PRMT9: variants seen among roughly 807,000 people sequenced by gnomAD.
PRMT9 encodes the protein protein arginine N-methyltransferase 9.
In PRMT9, 59 loss-of-function variants were observed where a neutral mutation model predicts 83.2. The ratio of observed to expected loss-of-function variants is 0.71; its 90% CI spans 0.57 to 0.88. The LOEUF (loss-of-function observed/expected upper bound fraction) is 0.88. Ranked by LOEUF, PRMT9 falls within the 40% of genes least tolerant of loss-of-function variation. PRMT9 has a pLI of 0.00. For missense variants in PRMT9, 947 were observed against 1,021.9 expected (o/e 0.93, Z 1.00); for synonymous variants, 333 against 353.2 (o/e 0.94, Z 0.64).
intron 6 of PRMT9, among the ~76,000 whole-genome samples, chr4:147,665,816 T>C (rs1310526458): frequency 6.6e-6 from 1 of 152,216 alleles, no homozygotes; most frequent in African/African-American, 2.4e-5. Context: ...TAGGTGACTG[T>C]TACATCATAA....
At chr4:147,644,972 G>C (rs1191551933) in intron 9 of PRMT9, among the ~76,000 whole-genome samples, 1 of 152,132 alleles carries the variant, frequency 6.6e-6, no homozygotes, top group Non-Finnish European at 1.5e-5. Context: ...TGAATTTCTA[G>C]AACAGGATAC....
In PRMT9 at chr4:147,670,729, A is replaced by T; in HGVS notation, c.758T>A (p.Val253Glu). Residue 253 changes from valine (V) to glutamate (E), a missense_variant, in exon 5 of 12, where the codon GTA becomes GAA. Physicochemically the swap from Val to Glu is moderately radical, Grantham distance 121. Transcript: ENST00000322396. ...TAAACCTGCATCGACAGTTTCTGTT[A>T]CAACTAGGGACACTCTATAGAATGA... Reference protein sequence around the residue: ...KHIPERVSLVVTETVDAGLFG... With the variant: ...KHIPERVSLVETETVDAGLFG... 1 of 1,604,632 alleles carries T rather than the reference A, an allele frequency of 6.2e-7. No homozygotes were observed. The highest frequency in any genetic ancestry group is 8.5e-7 in the Non-Finnish European group (1 of 1,171,622).
At position 147,672,893 on chromosome 4, in the gene PRMT9, GAA is replaced by G; in HGVS notation, c.743+64_743+65del. On this transcript the variant is annotated intron_variant, in intron 4 of 11. Coordinates refer to ENST00000322396, the MANE Select transcript of PRMT9 (RefSeq NM_138364.4). ...AGCATTTTGTTTGGACTAAAAGCTA[GAA>G]ATATATCTTAGTTTTTTAAAAATAG... is the stretch of plus-strand genomic sequence containing the variant. The G allele has an allele frequency of 8.1e-6, 11 of 1,363,246 alleles. No homozygotes were observed. The South Asian group carries it at 1.2e-4, about 15-fold the overall frequency. The allele number at this position is 1,363,246 out of a possible 1,614,324, so 84.4% of individuals were successfully genotyped here. A position where few individuals can be genotyped will look rare whatever the true frequency, so the allele number is the denominator to read the frequency against.
chr4:147,651,744 T>C (rs1734112105), intron 9 of PRMT9, among the ~76,000 whole-genome samples: 1 of 152,204 alleles, frequency 6.6e-6, no homozygotes, highest in African/African-American at 2.4e-5. Flanking sequence ...TACTGTATGA[T>C]TTCACTTGTT....
intron 6 of PRMT9, among the ~76,000 whole-genome samples, chr4:147,661,682 T>G (rs1426038431): frequency 6.8e-6 from 1 of 147,446 alleles, no homozygotes; most frequent in Admixed American, 7.0e-5. Context: ...TCCAGCTACT[T>G]GGAAGGCTGA....
chr4:147,673,009 G>C lies in PRMT9; in HGVS notation c.693C>G (p.Leu231=). ...CTATGTCAAGTGACTTCGTATGTAA[G>C]AGTTTGATCCCTGCTTCCATCTTGT... The part of the protein sequence containing the change: ...AANKMEAGIK[L]LHTKSLDIEI... The change falls in exon 4 of 12, where the codon CTC becomes CTG. Residue 231 remains leucine, a synonymous_variant. Transcript: ENST00000322396. 1 of 1,613,968 alleles carries C rather than the reference G, an allele frequency of 6.2e-7. No individual in the cohort carries two copies. Among genetic ancestry groups the C allele is most frequent in the Non-Finnish European group, 8.5e-7 (1 of 1,179,906 alleles).
Position 147,661,899 on chromosome 4 carries a change from A to G in PRMT9, c.954-861T>C, listed in dbSNP as rs1346314114. ...TGGTAAGGATACAGTCTCATACACC[A>G]TTGGAGTATAAAATCAGTAAGATCA... is the stretch of plus-strand genomic sequence containing the variant. On this transcript the variant is annotated intron_variant, in intron 6 of 11. Transcript: ENST00000322396. Among the ~76,000 whole-genome samples, 6 of 152,032 alleles carry G rather than the reference A, an allele frequency of 3.9e-5. No individual in the cohort carries two copies. The East Asian group carries it at 1.2e-3, about 29-fold the overall frequency.
chr4:147,668,596 G>C lies in PRMT9; in HGVS notation c.896C>G (p.Ala299Gly), dbSNP rs780743868. 1 of 1,612,494 alleles carries C rather than the reference G, an allele frequency of 6.2e-7. No individual in the cohort carries two copies. The highest frequency in any genetic ancestry group is 1.1e-5 in the South Asian group (1 of 91,038). Residue 299 changes from alanine (A) to glycine (G), a missense_variant, in exon 6 of 12, where the codon GCA (alanine) becomes GGA (glycine). Physicochemically the swap from Ala to Gly is moderately conservative, Grantham distance 60. Coordinates refer to ENST00000322396, the MANE Select transcript of PRMT9 (RefSeq NM_138364.4). Reference protein sequence around the residue: ...NCEKYGKVIPASAVIFGMAVE... With the variant: ...NCEKYGKVIPGSAVIFGMAVE... ...TGCCATCCCAAATATAACAGCACTT[G>C]CTGGTATAACTTTCCCATACTTTTC... is the stretch of plus-strand genomic sequence containing the variant.
intron 5 of PRMT9, among the ~76,000 whole-genome samples, chr4:147,669,747 A>G (rs1735607996): frequency 6.6e-6 from 1 of 152,206 alleles, no homozygotes; most frequent in East Asian, 1.9e-4. Flanking sequence ...TTAAATCCAA[A>G]TAATTTTCTG....
At chr4:147,682,230 A>G (rs1736522982) in intron 1 of PRMT9, among the ~76,000 whole-genome samples, 1 of 151,798 alleles carries the variant, frequency 6.6e-6, no homozygotes, top group African/African-American at 2.4e-5. Flanking sequence ...CCCAGGCTGG[A>G]GCGCAATGGC....
At chr4:147,667,448 T>C (rs1735416641) in intron 6 of PRMT9, among the ~76,000 whole-genome samples, 1 of 152,154 alleles carries the variant, frequency 6.6e-6, no homozygotes, top group Non-Finnish European at 1.5e-5. Context: ...CACACCTACA[T>C]TTACTTAAAT....
chr4:147,661,046 G>C lies in PRMT9; in HGVS notation c.954-8C>G. The stretch of plus-strand genomic sequence containing the variant: ...ATGTCCTTAATACCCACTCTGGAGA[G>C]AGAGAAAATAGGGGAGGGGTAGGAA... On this transcript the variant is annotated splice_region_variant and splice_polypyrimidine_tract_variant and intron_variant, in intron 6 of 11. Coordinates refer to ENST00000322396, the MANE Select transcript of PRMT9 (RefSeq NM_138364.4). The C allele has an allele frequency of 6.3e-7, 1 of 1,592,538 alleles. No individual in the cohort carries two copies. The highest frequency in any genetic ancestry group is 8.6e-7 in the Non-Finnish European group (1 of 1,160,674).
intron 9 of PRMT9, among the ~76,000 whole-genome samples, chr4:147,647,250 T>C (rs1292459736): frequency 1.3e-5 from 2 of 152,148 alleles, no homozygotes; most frequent in African/African-American, 4.8e-5. Flanking sequence ...ATTGCTCCTA[T>C]AGATAACATC....
chr4:147,649,517 T>C (rs1254499454), intron 9 of PRMT9, among the ~76,000 whole-genome samples: 1 of 152,182 alleles, frequency 6.6e-6, no homozygotes, highest in Non-Finnish European at 1.5e-5. Flanking sequence ...TTTTTTTTTT[T>C]TGAGATGGAG....
chr4:147,670,711 G>C lies in PRMT9; in HGVS notation c.776C>G (p.Ala259Gly). ...VSLVVTETVD[A>G]GLFGEGIVES... is the part of the protein sequence containing the mutation. ...CACAATTCCTTCTCCAAATAAACCT[G>C]CATCGACAGTTTCTGTTACAACTAG... Residue 259 changes from alanine (A) to glycine (G), a missense_variant, in exon 5 of 12, where the codon GCA becomes GGA. Ala to Gly is a moderately conservative substitution (Grantham distance 60, BLOSUM62 0). Coordinates refer to ENST00000322396, the MANE Select transcript of PRMT9 (RefSeq NM_138364.4). The C allele has an allele frequency of 6.2e-7, 1 of 1,612,790 alleles. No homozygotes were observed. Among genetic ancestry groups the C allele is most frequent in the Non-Finnish European group, 8.5e-7 (1 of 1,179,086 alleles).
At chr4:147,673,607 T>C (rs1476540038) in intron 3 of PRMT9, 31 bp downstream of exon 3, 1 of 1,253,718 alleles carries the variant, frequency 8.0e-7, no homozygotes. Context: ...AGAATACATG[T>C]ATATACCATT....
At chr4:147,670,555 T>C (rs1438564947) in intron 5 of PRMT9, 86 bp downstream of exon 5, 19 of 947,956 alleles carry the variant, frequency 2.0e-5, no homozygotes, top group Non-Finnish European at 3.1e-5. Context: ...TATTTCATAT[T>C]GTTTTGTAAA....
intron 7 of PRMT9, among the ~76,000 whole-genome samples, chr4:147,660,605 G>A (rs748404967): frequency 1.3e-5 from 2 of 152,088 alleles, no homozygotes; most frequent in Non-Finnish European, 2.9e-5. Context: ...ACTCCAGCCT[G>A]GGTGACAGAG....
intron 9 of PRMT9, among the ~76,000 whole-genome samples, chr4:147,648,430 G>A (rs1733875523): frequency 1.3e-5 from 2 of 152,224 alleles, no homozygotes; most frequent in South Asian, 4.1e-4. Flanking sequence ...GGTGCCCAGA[G>A]AGGGCATGGA....
Sources: gnomAD v4.1 joint callset for allele counts (sites outside exome capture counted in the v4.1 genomes callset) on GRCh38, gnomAD v4.1.1 for gene constraint, MANE v1.5 for transcripts, NCBI Gene and HGNC (gene_info 2026-07-23, HGNC 2026-07-21) for gene names.